PCDHGA3: variants seen among roughly 807,000 people sequenced by gnomAD.
PCDHGA3 encodes the protein protocadherin gamma-A3.
Under a neutral mutation model 58.5 loss-of-function variants are expected in PCDHGA3, and 40 were observed. That is an observed-to-expected ratio of 0.68 (90% CI 0.53 to 0.89). The LOEUF is 0.89. Among genes scored for constraint, PCDHGA3 ranks in the 40% least tolerant of loss-of-function variants. PCDHGA3 has a pLI of 0.00. For missense variants in PCDHGA3, 1,223 were observed against 1,195.9 expected (o/e 1.02, Z -0.33); for synonymous variants, 530 against 525.7 (o/e 1.01, Z -0.11).
Position 141,405,636 on chromosome 5 carries a change from G to A in PCDHGA3, c.2424+59179G>A, listed in dbSNP as rs546836247. 7 of 528,588 alleles carry A rather than the reference G, an allele frequency of 1.3e-5. 1 individual carries two copies. The highest frequency in any genetic ancestry group is 8.1e-5 in the South Asian group (3 of 37,242). The allele number at this position is 528,588 out of a possible 1,614,324, so 32.7% of individuals were successfully genotyped here. A position where few individuals can be genotyped will look rare whatever the true frequency, so the allele number is the denominator to read the frequency against. On this transcript the variant is annotated intron_variant, in intron 1 of 3. Coordinates refer to ENST00000253812, the MANE Select transcript of PCDHGA3 (RefSeq NM_018916.4). ...ACTACAGGCACGTGCCACCACGCCC[G>A]GCTAATTTTTTGTGTGTTTTTAGTA...
chr5:141,490,061 A>T lies in PCDHGA3; in HGVS notation c.2425-4746A>T. The stretch of plus-strand genomic sequence containing the variant: ...GCCACTGATCCAGACGAGGGCACCA[A>T]CGGCCAACTAGACTATTCTTTTGGA... On this transcript the variant is annotated intron_variant, in intron 1 of 3. Transcript: ENST00000253812. This position sits in a 1 kb window ranked among gnomAD's most constrained non-coding sequence, Gnocchi z 5.4. 1 of 1,614,214 alleles carries T rather than the reference A, an allele frequency of 6.2e-7. No homozygotes were observed. The highest frequency in any genetic ancestry group is 8.5e-7 in the Non-Finnish European group (1 of 1,180,030).
At chr5:141,360,729 C>A in intron 1 of PCDHGA3, 1 of 1,614,004 alleles carries the variant, frequency 6.2e-7, no homozygotes, top group Non-Finnish European at 8.5e-7. Flanking sequence ...TTCTAAAACA[C>A]TCTCTGGACA....
At chr5:141,427,239 G>C (rs1160872088) in intron 1 of PCDHGA3, 1 of 456,746 alleles carries the variant, frequency 2.2e-6, no homozygotes, top group East Asian at 6.9e-5. Flanking sequence ...GAGAGTAGAA[G>C]CTAAGGATGG....
In PCDHGA3 at chr5:141,432,896, G is replaced by A. The variant is rs2097547014; in HGVS notation, c.2425-61911G>A. On this transcript the variant is annotated intron_variant, in intron 1 of 3. Transcript: ENST00000253812. This position sits in a 1 kb window ranked among gnomAD's most constrained non-coding sequence, Gnocchi z 6.0. ...CCTGGCCTTCGTCATCTTGCTGCTG[G>A]CGCTCAGGCTGCGGCGCTGGCACAA... is the stretch of plus-strand genomic sequence containing the variant. 6.2e-7 allele frequency: 1 copy of A among 1,614,056 alleles called. No homozygotes were observed. Among genetic ancestry groups the A allele is most frequent in the African/African-American group, 1.3e-5 (1 of 74,946 alleles).
At chr5:141,452,742 G>C (rs779371001) in intron 1 of PCDHGA3, among the ~76,000 whole-genome samples, 7 of 152,010 alleles carry the variant, frequency 4.6e-5, no homozygotes, top group Non-Finnish European at 8.8e-5. Context: ...GGAAGAGAGA[G>C]AAGGAAGAAG....
intron 1 of PCDHGA3, chr5:141,373,939 G>A: frequency 2.8e-6 from 2 of 714,100 alleles, no homozygotes; most frequent in Non-Finnish European, 2.1e-6. Flanking sequence ...AAGCAGGAAA[G>A]CTGTGCAGAA....
At position 141,408,901 on chromosome 5, in the gene PCDHGA3, G is replaced by A. The variant is rs529239605; in HGVS notation, c.2424+62444G>A. On this transcript the variant is annotated intron_variant, in intron 1 of 3. Transcript: ENST00000253812. ...CCGCTCACATAGAAATTTCTGTCAA[G>A]GATACCAATGATAACCCCCCGGTTT... 269 of 1,613,216 alleles carry A rather than the reference G, an allele frequency of 1.7e-4. 6 individuals carry two copies. The South Asian group carries it at 2.8e-3, about 17-fold the overall frequency.
chr5:141,373,437 C>A (rs1769581564), intron 1 of PCDHGA3, among the ~76,000 whole-genome samples: 1 of 152,194 alleles, frequency 6.6e-6, no homozygotes. Flanking sequence ...GTGGGAGGAT[C>A]CCTTGATCCC....
chr5:141,424,697 T>C (rs1467404367), intron 1 of PCDHGA3: 4 of 152,342 alleles, frequency 2.6e-5, no homozygotes, highest in South Asian at 4.1e-4. Context: ...GGCTATTTTT[T>C]TGTTCATTTT....
intron 1 of PCDHGA3, chr5:141,392,838 AGACGCGGC>A (rs1239948956): frequency 6.2e-7 from 1 of 1,608,522 alleles, no homozygotes; most frequent in South Asian, 1.1e-5. Context: ...GAGTCGCCCC[AGACGCGGC>A]GAGCTGATCC....
At chr5:141,474,652 T>C (rs962582027) in intron 1 of PCDHGA3, among the ~76,000 whole-genome samples, 1 of 152,206 alleles carries the variant, frequency 6.6e-6, no homozygotes, top group African/African-American at 2.4e-5. Context: ...TCCTTACTTC[T>C]TTTCTACCTA....
chr5:141,374,179 C>G, intron 1 of PCDHGA3: 1 of 1,613,664 alleles, frequency 6.2e-7, no homozygotes, highest in East Asian at 2.2e-5. Flanking sequence ...CGCAGATCCG[C>G]TACTCTATTC....
chr5:141,395,245 T>G (rs1347101527), intron 1 of PCDHGA3: 1 of 1,571,252 alleles, frequency 6.4e-7, no homozygotes, highest in Admixed American at 1.9e-5. Context: ...CAGGTGAGTT[T>G]AGTTCTTTGC....
intron 1 of PCDHGA3, chr5:141,423,694 T>C (rs1008861889): frequency 1.3e-6 from 2 of 1,501,552 alleles, no homozygotes; most frequent in Middle Eastern, 1.8e-4. Flanking sequence ...TAATTGTTGG[T>C]GTCTTGGCAC....
chr5:141,481,436 T>C (rs775003998), intron 1 of PCDHGA3, among the ~76,000 whole-genome samples: 5 of 152,220 alleles, frequency 3.3e-5, no homozygotes, highest in South Asian at 2.1e-4. Flanking sequence ...ATTGTATCAG[T>C]TTAGTACATG....
In PCDHGA3 at chr5:141,482,160, T is replaced by C. The variant is rs577572891; in HGVS notation, c.2425-12647T>C. Reference sequence around the variant, plus strand: ...GCATAAAAAGGTCAAGTCAAAGATATGTAAGATTAAGGCTTTACGATGCTC... The same window carrying C: ...GCATAAAAAGGTCAAGTCAAAGATACGTAAGATTAAGGCTTTACGATGCTC... On this transcript the variant is annotated intron_variant, in intron 1 of 3. Coordinates refer to ENST00000253812, the MANE Select transcript of PCDHGA3 (RefSeq NM_018916.4). 1.6e-4 allele frequency among the ~76,000 whole-genome samples: 25 copies of C among 151,966 alleles called. No homozygotes were observed. In the South Asian group the frequency reaches 4.0e-3, roughly 24 times the overall value.
rs762770481 is a variant in PCDHGA3, at chr5:141,432,320, G to GACT, written c.2425-62484_2425-62482dup. On this transcript the variant is annotated intron_variant, in intron 1 of 3. Coordinates refer to ENST00000253812, the MANE Select transcript of PCDHGA3 (RefSeq NM_018916.4). This position sits in a 1 kb window ranked among gnomAD's most constrained non-coding sequence, Gnocchi z 6.0. ...GGTACTGTATGCGCTGAGCTCCTTC[G>GACT]ACTACGAGCAGTTCCGAGACTTGCA... is the stretch of plus-strand genomic sequence containing the variant. The GACT allele has an allele frequency of 2.6e-5, 42 of 1,614,238 alleles. No individual in the cohort carries two copies. The highest frequency in any genetic ancestry group is 3.6e-5 in the Non-Finnish European group (42 of 1,180,038).
intron 1 of PCDHGA3, chr5:141,478,768 A>G: frequency 6.7e-7 from 1 of 1,501,046 alleles, no homozygotes; most frequent in African/African-American, 1.4e-5. Context: ...TACTTGACTC[A>G]TCTGTGGACC....
intron 1 of PCDHGA3, among the ~76,000 whole-genome samples, chr5:141,353,155 A>G (rs1388612880): frequency 1.3e-5 from 2 of 152,052 alleles, no homozygotes; most frequent in African/African-American, 2.4e-5. Context: ...TTAATTTTCA[A>G]TCTTTACTGT....
Sources: gnomAD v4.1 joint callset for allele counts (sites outside exome capture counted in the v4.1 genomes callset) on GRCh38, gnomAD v4.1.1 for gene constraint, Gnocchi (gnomAD v3.1) non-coding constraint, MANE v1.5 for transcripts, NCBI Gene and HGNC (gene_info 2026-07-23, HGNC 2026-07-21) for gene names.